Variants in TLR8 observed in about 807,000 individuals in gnomAD.
TLR8 encodes the protein toll like receptor 8, also known as toll-like receptor 8.
A neutral mutation model predicts 18.5 loss-of-function variants in TLR8; 5 were observed. That is an observed-to-expected ratio of 0.27 (90% CI 0.14 to 0.57). The LOEUF (loss-of-function observed/expected upper bound fraction) is 0.57. Ranked by LOEUF, TLR8 falls within the 20% of genes least tolerant of loss-of-function variation. TLR8 has a pLI of 0.92. For missense variants in TLR8, 543 were observed against 769.8 expected, an observed-to-expected ratio of 0.71 and a Z score of 3.49; for synonymous variants, 299 against 300.1, an observed-to-expected ratio of 1.00 and a Z score of 0.04.
rs1455742974 is a variant in TLR8 at position 12,906,647 on chromosome X, T to G, written c.-60T>G. 69 of 1,029,314 alleles carry G rather than the reference T, an allele frequency of 6.7e-5. No homozygotes were observed. The highest frequency in any genetic ancestry group is 7.8e-5 in the Non-Finnish European group (62 of 798,250). The allele number at this position is 1,029,314 out of a possible 1,213,427, so 84.8% of individuals were successfully genotyped here. ...TTTCTCTTCTCGGCCACCTCCTGCA[T>G]AGAGGGTACCATTCTGCGCTGCTGC... On this transcript the variant is annotated 5_prime_UTR_variant, in exon 1 of 2. Transcript: ENST00000218032.
At position 12,922,158 on chromosome X, in the gene TLR8, C is replaced by T; in HGVS notation, c.3118C>T (p.Gln1040Ter). 8.4e-7 allele frequency: 1 copy of T among 1,190,885 alleles called. No individual in the cohort carries two copies. The highest frequency in any genetic ancestry group is 1.1e-6 in the Non-Finnish European group (1 of 883,934). Residue 1040 changes from glutamine (Q) to a stop codon, truncating the protein, a stop_gained, in exon 2 of 2, where the codon CAA becomes TAA. Transcript: ENST00000218032. LOFTEE classifies it high-confidence loss of function. ...CAATATGTATGTCGATTCCATTAAGCAATACTAACTGACGTTAAGTCATGA... is the reference window on the plus strand; with the variant it reads ...CAATATGTATGTCGATTCCATTAAGTAATACTAACTGACGTTAAGTCATGA... ...YNNMYVDSIK[Q>*]Y is the part of the protein sequence containing the mutation.
Position 12,921,223 on chromosome X carries a change from C to T in TLR8, c.2183C>T (p.Pro728Leu). 8.3e-7 allele frequency: 1 copy of T among 1,211,793 alleles called. No individual in the cohort carries two copies. Among genetic ancestry groups the T allele is most frequent in the Non-Finnish European group, 1.1e-6 (1 of 895,577 alleles). ...LLSHNRISHL[P>L]SGFLSEVSSL... Reference sequence around the variant, plus strand: ...AGTCATAACAGGATTTCCCACCTACCCTCTGGCTTTCTTTCTGAAGTCAGT... The same window carrying T: ...AGTCATAACAGGATTTCCCACCTACTCTCTGGCTTTCTTTCTGAAGTCAGT... The change falls in exon 2 of 2, where the codon CCC (proline) becomes CTC (leucine). Residue 728 changes from proline (P) to leucine (L), a missense_variant. Physicochemically the swap from Pro to Leu is moderately conservative, Grantham distance 98. Around this residue, in one of 4 missense-constraint regions of TLR8, gnomAD observed 227 missense variants for 312.9 expected, o/e 0.73. Transcript: ENST00000218032.
At chrX:12,911,166 T>C (rs2147254314) in intron 1 of TLR8, among the ~76,000 whole-genome samples, 1 of 111,877 alleles carries the variant, frequency 8.9e-6, no homozygotes, top group Admixed American at 9.4e-5. Flanking sequence ...AGAACAACTG[T>C]CATTTACCTG....
chrX:12,916,178 A>G (rs2147256819), intron 1 of TLR8, among the ~76,000 whole-genome samples: 1 of 111,963 alleles, frequency 8.9e-6, no homozygotes, highest in African/African-American at 3.2e-5. Context: ...AGTTGCCTTG[A>G]CTAGGCCAAA....
rs772600126 is a variant in TLR8, at chrX:12,919,427, G to A, written c.387G>A (p.Glu129=). The A allele has an allele frequency of 5.0e-6, 6 of 1,211,110 alleles. No homozygotes were observed. The highest frequency in any genetic ancestry group is 6.7e-6 in the Non-Finnish European group (6 of 895,302). The part of the protein sequence containing the change: ...GAFLNLKNLR[E]LLLEDNQLPQ... ...TCCTCAACCTAAAAAACCTAAGGGA[G>A]TTACTGCTTGAAGACAACCAGTTAC... Residue 129 remains glutamate, a synonymous_variant, in exon 2 of 2, where the codon GAG becomes GAA. Transcript: ENST00000218032.
Position 12,921,320 on chromosome X carries a change from C to T in TLR8, c.2280C>T (p.Thr760=), listed in dbSNP as rs772470578. The part of the protein sequence containing the change: ...TINKSALETK[T]TTKLSMLELH... ...ACAAATCCGCACTTGAAACTAAGAC[C>T]ACCACCAAATTATCTATGTTGGAAC... The change falls in exon 2 of 2, where the codon ACC becomes ACT. Residue 760 remains threonine, a synonymous_variant. Transcript: ENST00000218032. 141 of 1,209,826 alleles carry T rather than the reference C, an allele frequency of 1.2e-4. No individual in the cohort carries two copies. Among genetic ancestry groups the T allele is most frequent in the Non-Finnish European group, 1.4e-4 (129 of 895,230 alleles).
intron 1 of TLR8, among the ~76,000 whole-genome samples, chrX:12,916,109 G>T (rs968997916): frequency 1.8e-5 from 2 of 111,321 alleles, no homozygotes; most frequent in Non-Finnish European, 3.8e-5. Flanking sequence ...TCGAACTCCC[G>T]ACCTCAGGTG....
At chrX:12,917,945 G>C (rs865893893) in intron 1 of TLR8, among the ~76,000 whole-genome samples, 5 of 111,873 alleles carry the variant, frequency 4.5e-5, no homozygotes, top group African/African-American at 1.3e-4. Context: ...TATGATTTTG[G>C]AATCAGATTT....
In TLR8 at chrX:12,920,212, T is replaced by C. The variant is rs751271824; in HGVS notation, c.1172T>C (p.Met391Thr). Residue 391 changes from methionine to threonine, a missense_variant, in exon 2 of 2, where the codon ATG becomes ACG. Physicochemically the swap from Met to Thr is moderately conservative, Grantham distance 81 (BLOSUM62 -1). This residue lies in a region of TLR8 where 185 missense variants were observed against 298.9 expected (regional missense o/e 0.62). Transcript: ENST00000218032. ...AGAGAAGATGATTTCCAGCCCCTGA[T>C]GCAGCTTCCAAACTTATCGACTATC... ...ELREDDFQPL[M>T]QLPNLSTINL... 79 of 1,207,843 alleles carry C rather than the reference T, an allele frequency of 6.5e-5. No homozygotes were observed. Among genetic ancestry groups the C allele is most frequent in the Non-Finnish European group, 7.7e-5 (69 of 894,150 alleles).
chrX:12,916,294 G>A (rs2043055213), intron 1 of TLR8, among the ~76,000 whole-genome samples: 1 of 111,933 alleles, frequency 8.9e-6, no homozygotes, highest in Non-Finnish European at 1.9e-5. Context: ...ATGAGACTGG[G>A]AGCCAATTCA....
intron 1 of TLR8, among the ~76,000 whole-genome samples, chrX:12,916,464 G>A (rs1430831409): frequency 3.6e-5 from 4 of 111,732 alleles, no homozygotes; most frequent in Non-Finnish European, 7.5e-5. Flanking sequence ...AGCATTGCCT[G>A]TGGCGTCTCC....
intron 1 of TLR8, among the ~76,000 whole-genome samples, chrX:12,914,215 C>T (rs4830808): frequency 0.19 from 21,030 of 110,713 alleles, 2,035 homozygotes; most frequent in East Asian, 0.75. Context: ...TGTGGGTCTA[C>T]ACCTCACATT....
intron 1 of TLR8, among the ~76,000 whole-genome samples, chrX:12,914,774 A>G (rs1183970950): frequency 8.9e-6 from 1 of 111,911 alleles, no homozygotes; most frequent in African/African-American, 3.3e-5. Flanking sequence ...CTTGCCAGTG[A>G]ACACTGTAGA....
chrX:12,920,381 T>C lies in TLR8; in HGVS notation c.1341T>C (p.Phe447=). The C allele has an allele frequency of 8.3e-7, 1 of 1,210,385 alleles. No individual in the cohort carries two copies. Among genetic ancestry groups the C allele is most frequent in the South Asian group, 1.8e-5 (1 of 56,574 alleles). ...TRQSYANSSS[F]QRHIRKRRST... ...AGAGTTATGCAAATAGTTCCTCTTT[T>C]CAACGTCATATCCGGAAACGACGCT... is the stretch of plus-strand genomic sequence containing the variant. The change falls in exon 2 of 2, where the codon TTT becomes TTC. Residue 447 remains phenylalanine, a synonymous_variant. Transcript: ENST00000218032.
At position 12,921,427 on chromosome X, in the gene TLR8, C is replaced by T; in HGVS notation, c.2387C>T (p.Pro796Leu). Residue 796 changes from proline to leucine, a missense_variant, in exon 2 of 2, where the codon CCC becomes CTC. By Grantham distance (98) the Pro-to-Leu change is moderately conservative. Around this residue, in one of 4 missense-constraint regions of TLR8, gnomAD observed 227 missense variants for 312.9 expected, o/e 0.73. Coordinates refer to ENST00000218032, the MANE Select transcript of TLR8 (RefSeq NM_138636.5). ...WMDEHLNVKI[P>L]RLVDVICASP... ...GATGAACATCTGAATGTCAAAATTC[C>T]CAGACTGGTAGATGTCATTTGTGCC... 3 of 1,211,751 alleles carry T rather than the reference C, an allele frequency of 2.5e-6. No individual in the cohort carries two copies. The highest frequency in any genetic ancestry group is 3.4e-6 in the Non-Finnish European group (3 of 895,481).
intron 1 of TLR8, among the ~76,000 whole-genome samples, chrX:12,917,918 T>C (rs769976643): frequency 5.3e-5 from 6 of 112,294 alleles, no homozygotes; most frequent in Non-Finnish European, 1.1e-4. Context: ...TTGTGTAGCA[T>C]GATGGCTTGT....
Sources: gnomAD v4.1 joint callset for allele counts (sites outside exome capture counted in the v4.1 genomes callset) on GRCh38, gnomAD v4.1.1 for gene constraint, gnomAD v4.1.1 regional missense constraint, MANE v1.5 for transcripts, NCBI Gene and HGNC (gene_info 2026-07-23, HGNC 2026-07-21) for gene names.